SMOC1: variants seen among roughly 807,000 people sequenced by gnomAD.
SMOC1 encodes the protein SPARC-related modular calcium-binding protein 1.
In SMOC1, 22 loss-of-function variants were observed where a neutral mutation model predicts 56.3. The ratio of observed to expected loss-of-function variants is 0.39; its 90% CI spans 0.28 to 0.56. The LOEUF is 0.56. Among genes scored for constraint, SMOC1 ranks in the 20% least tolerant of loss-of-function variants. The pLI is 0.61. For missense variants in SMOC1, 509 were observed against 565.4 expected (o/e 0.90, Z 1.01); for synonymous variants, 193 against 215.0 (o/e 0.90, Z 0.89).
chr14:69,975,789 G>T lies in SMOC1; in HGVS notation c.453G>T (p.Val151=), dbSNP rs777244661. The T allele has an allele frequency of 6.2e-7, 1 of 1,612,522 alleles. No individual in the cohort carries two copies. Among genetic ancestry groups the T allele is most frequent in the South Asian group, 1.1e-5 (1 of 91,004 alleles). The change falls in exon 4 of 12, where the codon GTG becomes GTT. Residue 151 remains valine, a synonymous_variant. Transcript: ENST00000361956. ...PDGKPISGSS[V]QNKTPVCSGS... ...GGAAGCCCATCAGTGGCTCTTCTGT[G>T]CAGAATAAAACTCCTGTATGTTCAG... is the stretch of plus-strand genomic sequence containing the variant.
chr14:69,909,700 G>T (rs1884505303), intron 1 of SMOC1, among the ~76,000 whole-genome samples: 1 of 152,186 alleles, frequency 6.6e-6, no homozygotes, highest in Non-Finnish European at 1.5e-5. Context: ...AAAGCTTCCA[G>T]AAAATGTCAG....
At chr14:70,027,671 T>C (rs752771061) in intron 11 of SMOC1, among the ~76,000 whole-genome samples, 2 of 152,236 alleles carry the variant, frequency 1.3e-5, no homozygotes, top group Non-Finnish European at 2.9e-5. Flanking sequence ...TCTTTAATCC[T>C]TGGCAAGTTA....
chr14:69,953,372 A>C, intron 2 of SMOC1, 48 bp from the exon 3 acceptor site: 2 of 1,563,622 alleles, frequency 1.3e-6, no homozygotes, highest in Non-Finnish European at 1.8e-6. Flanking sequence ...CCTCGGCCCC[A>C]GTGTCGAATC....
chr14:70,004,486 G>T (rs1274589451), intron 7 of SMOC1, among the ~76,000 whole-genome samples: 1 of 152,198 alleles, frequency 6.6e-6, no homozygotes, highest in Non-Finnish European at 1.5e-5. Flanking sequence ...AAAGACTGAG[G>T]TTTCCCCAAA....
At chr14:69,975,422 G>A (rs988200585) in intron 3 of SMOC1, among the ~76,000 whole-genome samples, 53 of 152,148 alleles carry the variant, frequency 3.5e-4, no homozygotes, top group Admixed American at 3.5e-3. Flanking sequence ...TACAGGTATT[G>A]GTGAGAACCA....
chr14:70,018,862 C>T (rs1327672259), intron 10 of SMOC1, among the ~76,000 whole-genome samples: 1 of 152,230 alleles, frequency 6.6e-6, no homozygotes, highest in Non-Finnish European at 1.5e-5. Context: ...ATGTGGCTGA[C>T]TTGGCATTTC....
chr14:69,977,851 C>T (rs1884024240), intron 4 of SMOC1, 67 bp from the exon 5 acceptor site: 1 of 1,372,378 alleles, frequency 7.3e-7, no homozygotes, highest in Non-Finnish European at 1.0e-6. Context: ...GTTTTGCCAA[C>T]TCTTAGAAAG....
intron 1 of SMOC1, among the ~76,000 whole-genome samples, chr14:69,915,501 T>C (rs75110794): frequency 0.029 from 4,351 of 152,338 alleles, 218 homozygotes; most frequent in African/African-American, 0.099. Flanking sequence ...AAACCTATTA[T>C]AATTTCTACC....
intron 10 of SMOC1, among the ~76,000 whole-genome samples, chr14:70,020,143 G>A (rs1483566882): frequency 4.4e-5 from 6 of 135,238 alleles, no homozygotes; most frequent in African/African-American, 1.5e-4. Flanking sequence ...GTTTTGTTTT[G>A]TTTTTGTCTT....
chr14:69,986,856 C>T (rs1884385167), intron 5 of SMOC1, among the ~76,000 whole-genome samples: 1 of 152,218 alleles, frequency 6.6e-6, no homozygotes, highest in Non-Finnish European at 1.5e-5. Context: ...ATATAAAACA[C>T]TGACCTCCTG....
At chr14:69,940,138 A>G (rs1882493299) in intron 1 of SMOC1, among the ~76,000 whole-genome samples, 1 of 152,086 alleles carries the variant, frequency 6.6e-6, no homozygotes, top group Non-Finnish European at 1.5e-5. Context: ...CTGTTTTGGG[A>G]TCTTGTCTTT....
Position 70,011,473 on chromosome 14 carries a change from C to A in SMOC1, c.858-12C>A. The A allele has an allele frequency of 9.7e-7, 1 of 1,026,796 alleles. No homozygotes were observed. The highest frequency in any genetic ancestry group is 1.5e-6 in the Non-Finnish European group (1 of 686,542). The allele number at this position is 1,026,796 out of a possible 1,614,324, so 63.6% of individuals were successfully genotyped here. A position where few individuals can be genotyped will look rare whatever the true frequency, so the allele number is the denominator to read the frequency against. ...GCCCCTCCCAACCCCCCCCATATCT[C>A]TCTTTTCCCAGCTACGTGATGCCCA... On this transcript the variant is annotated splice_polypyrimidine_tract_variant and intron_variant, in intron 8 of 11. Coordinates refer to ENST00000361956, the MANE Select transcript of SMOC1 (RefSeq NM_001034852.3).
chr14:69,986,940 T>C (rs1242890841), intron 5 of SMOC1, among the ~76,000 whole-genome samples: 1 of 152,236 alleles, frequency 6.6e-6, no homozygotes, highest in African/African-American at 2.4e-5. Context: ...ACCATCCATT[T>C]CTGAGCCTCG....
intron 5 of SMOC1, among the ~76,000 whole-genome samples, chr14:69,984,430 A>G (rs1227023266): frequency 6.6e-6 from 1 of 152,256 alleles, no homozygotes; most frequent in Admixed American, 6.5e-5. Context: ...GTGCTGTTAG[A>G]GAATTAAGAA....
intron 11 of SMOC1, among the ~76,000 whole-genome samples, chr14:70,025,231 G>A (rs1387401517): frequency 2.0e-5 from 3 of 152,188 alleles, no homozygotes; most frequent in South Asian, 2.1e-4. Context: ...ATTTGAAATG[G>A]AAGCTTTGGA....
chr14:70,001,053 C>T (rs574352372), intron 7 of SMOC1, among the ~76,000 whole-genome samples: 26 of 152,142 alleles, frequency 1.7e-4, no homozygotes, highest in Non-Finnish European at 3.5e-4. Context: ...CTGAGAGCAC[C>T]GAGCAGCCTT....
intron 1 of SMOC1, among the ~76,000 whole-genome samples, chr14:69,917,505 G>A (rs1321596034): frequency 6.6e-6 from 1 of 152,234 alleles, no homozygotes; most frequent in Non-Finnish European, 1.5e-5. Flanking sequence ...GACACATTTA[G>A]AAAACATTTA....
At chr14:69,988,566 T>G (rs1037078979) in intron 5 of SMOC1, among the ~76,000 whole-genome samples, 1 of 152,200 alleles carries the variant, frequency 6.6e-6, no homozygotes, top group East Asian at 1.9e-4. Context: ...TATTGAAGTA[T>G]AGTTTACATA....
chr14:69,991,113 A>G (rs1201624377), intron 5 of SMOC1, among the ~76,000 whole-genome samples: 1 of 152,220 alleles, frequency 6.6e-6, no homozygotes, highest in Non-Finnish European at 1.5e-5. Context: ...CTGGCGTCAC[A>G]GAGACTATCT....
Sources: gnomAD v4.1 joint callset for allele counts (sites outside exome capture counted in the v4.1 genomes callset) on GRCh38, gnomAD v4.1.1 for gene constraint, MANE v1.5 for transcripts, NCBI Gene and HGNC (gene_info 2026-07-23, HGNC 2026-07-21) for gene names.